The following SEMA6D variants were observed in gnomAD, a reference collection of about 807,000 sequenced individuals.
SEMA6D encodes the protein semaphorin 6D, also known as semaphorin-6D.
SEMA6D carries 35 observed loss-of-function variants against 106.6 expected under a neutral mutation model. That is an observed-to-expected ratio of 0.33 (90% CI 0.25 to 0.44). The LOEUF (loss-of-function observed/expected upper bound fraction) is 0.44, where lower values mean the gene tolerates loss of function less well. Among genes scored for constraint, SEMA6D ranks in the 20% least tolerant of loss-of-function variants. SEMA6D has a pLI of 1.00. For missense variants in SEMA6D, 1,185 were observed against 1,345.9 expected, an observed-to-expected ratio of 0.88 and a Z score of 1.87; for synonymous variants, 499 against 487.7, an observed-to-expected ratio of 1.02 and a Z score of -0.31.
intron 1 of SEMA6D, chr15:47,399,556 ATTTG>A (rs2040328999): frequency 6.6e-6 from 1 of 152,122 alleles, no homozygotes. Flanking sequence ...ATAAAAGAGG[ATTTG>A]CTTTTGGTGG....
chr15:47,357,190 CG>C (rs1353166650), intron 1 of SEMA6D, among the ~76,000 whole-genome samples: 1 of 151,760 alleles, frequency 6.6e-6, no homozygotes, highest in Admixed American at 6.6e-5. Flanking sequence ...AAAAATTAGC[CG>C]GGCGAGGTGG....
rs3985870 is a variant in SEMA6D at position 47,354,303 on chromosome 15, TTA to T, written c.-238-58075_-238-58074del. On this transcript the variant is annotated intron_variant, in intron 1 of 19. Transcript: ENST00000558014. ...ATATATATATGGAATGAGAGAGAGC[TTA>T]TATATATATATATACACACATGCAT... Among the ~76,000 whole-genome samples, 44 of 141,028 alleles carry T rather than the reference TTA, an allele frequency of 3.1e-4. 1 individual carries two copies. The highest frequency in any genetic ancestry group is 2.9e-3 in the East Asian group (14 of 4,800). 92.5% of individuals were successfully genotyped at this position (141,028 alleles called of 152,430 possible). A position where few individuals can be genotyped will look rare whatever the true frequency, so the allele number is the denominator to read the frequency against.
At chr15:47,391,245 A>G (rs2040019376) in intron 1 of SEMA6D, among the ~76,000 whole-genome samples, 1 of 152,150 alleles carries the variant, frequency 6.6e-6, no homozygotes, top group African/African-American at 2.4e-5. Context: ...TGGTCCATAC[A>G]CACTGGATAC....
intron 4 of SEMA6D, among the ~76,000 whole-genome samples, chr15:47,633,267 TC>T (rs2077324169): frequency 1.3e-5 from 2 of 152,084 alleles, no homozygotes; most frequent in African/African-American, 4.8e-5. Context: ...TTATTTCCTT[TC>T]TTCAGTCATT....
chr15:47,565,218 A>G (rs142730169), intron 3 of SEMA6D, among the ~76,000 whole-genome samples: 1 of 152,198 alleles, frequency 6.6e-6, no homozygotes, highest in Non-Finnish European at 1.5e-5. Flanking sequence ...CAGGCACCCC[A>G]TTAGAGACTG....
intron 3 of SEMA6D, among the ~76,000 whole-genome samples, chr15:47,591,389 A>G (rs1477547767): frequency 6.6e-6 from 1 of 152,160 alleles, no homozygotes; most frequent in Non-Finnish European, 1.5e-5. Flanking sequence ...ATGGGGCTGT[A>G]TGTCCAGAGG....
intron 3 of SEMA6D, among the ~76,000 whole-genome samples, chr15:47,532,427 T>C (rs2142077863): frequency 6.6e-6 from 1 of 152,360 alleles, no homozygotes; most frequent in East Asian, 1.9e-4. Flanking sequence ...ATCTCTGCTG[T>C]GCATTTGACA....
chr15:47,749,856 G>A (rs1465230335), intron 1 of SEMA6D, among the ~76,000 whole-genome samples: 1 of 152,148 alleles, frequency 6.6e-6, no homozygotes, highest in Non-Finnish European at 1.5e-5. Flanking sequence ...GGGCAAGCAT[G>A]TTAAGACAAA....
chr15:47,611,532 C>T (rs1054121308), intron 4 of SEMA6D, among the ~76,000 whole-genome samples: 1 of 152,118 alleles, frequency 6.6e-6, no homozygotes, highest in Non-Finnish European at 1.5e-5. Context: ...ACAAAATATA[C>T]TTATCATTAG....
chr15:47,481,542 G>A (rs2043152659), intron 3 of SEMA6D, among the ~76,000 whole-genome samples: 1 of 152,094 alleles, frequency 6.6e-6, no homozygotes, highest in Non-Finnish European at 1.5e-5. Context: ...AAGATTGATG[G>A]ATACAAGACT....
At chr15:47,662,855 GCGCA>G (rs1044038142) in intron 4 of SEMA6D, among the ~76,000 whole-genome samples, 4 of 104,692 alleles carry the variant, frequency 3.8e-5, no homozygotes, top group East Asian at 2.3e-4. Flanking sequence ...GCGTGTATGA[GCGCA>G]CACACACACA....
At chr15:47,734,999 T>G (rs2080359789) in intron 1 of SEMA6D, among the ~76,000 whole-genome samples, 1 of 152,184 alleles carries the variant, frequency 6.6e-6, no homozygotes, top group Non-Finnish European at 1.5e-5. Context: ...TTCTGTAGAT[T>G]TTATGCTAAT....
chr15:47,236,763 C>T (rs1321686424), intron 1 of SEMA6D, among the ~76,000 whole-genome samples: 1 of 152,150 alleles, frequency 6.6e-6, no homozygotes, highest in Non-Finnish European at 1.5e-5. Context: ...ATTTGCCTAT[C>T]TTGGATATCA....
chr15:47,762,860 C>T (rs2082136730), intron 8 of SEMA6D, among the ~76,000 whole-genome samples, 156 bp from the exon 9 acceptor site: 1 of 152,194 alleles, frequency 6.6e-6, no homozygotes, highest in African/African-American at 2.4e-5. Flanking sequence ...AGCTTGAACA[C>T]ACCCATATTG....
intron 4 of SEMA6D, among the ~76,000 whole-genome samples, chr15:47,648,615 A>G (rs9888736): frequency 0.43 from 65,731 of 151,988 alleles, 14,382 homozygotes; most frequent in African/African-American, 0.48. Flanking sequence ...GACAACTTTC[A>G]CTTCACAAAC....
intron 1 of SEMA6D, among the ~76,000 whole-genome samples, chr15:47,384,553 G>T (rs1057084914): frequency 6.6e-6 from 1 of 152,234 alleles, no homozygotes; most frequent in Non-Finnish European, 1.5e-5. Flanking sequence ...GCCAGCAGAG[G>T]CCCTGCAGCC....
chr15:47,225,808 G>A (rs1467851079), intron 1 of SEMA6D, among the ~76,000 whole-genome samples: 1 of 152,042 alleles, frequency 6.6e-6, no homozygotes, highest in Non-Finnish European at 1.5e-5. Flanking sequence ...GGGATTACAG[G>A]CGTGAGCCAC....
chr15:47,253,170 G>A (rs1467089089), intron 1 of SEMA6D, among the ~76,000 whole-genome samples: 2 of 152,070 alleles, frequency 1.3e-5, no homozygotes, highest in African/African-American at 4.8e-5. Context: ...TTTACCTAAT[G>A]ATTAGTGATT....
chr15:47,618,718 T>C (rs1282699852), intron 4 of SEMA6D, among the ~76,000 whole-genome samples: 1 of 152,188 alleles, frequency 6.6e-6, no homozygotes, highest in African/African-American at 2.4e-5. Context: ...ATCTCAGAAA[T>C]AAGTGTATGG....
Sources: gnomAD v4.1 joint callset for allele counts (sites outside exome capture counted in the v4.1 genomes callset) on GRCh38, gnomAD v4.1.1 for gene constraint, MANE v1.5 for transcripts, NCBI Gene and HGNC (gene_info 2026-07-23, HGNC 2026-07-21) for gene names.